Variants in MYO16 observed in about 807,000 individuals in gnomAD.
MYO16 encodes unconventional myosin-XVI.
Under a neutral mutation model 205.3 loss-of-function variants are expected in MYO16, and 94 were observed. That is an observed-to-expected ratio of 0.46 (90% CI 0.39 to 0.54). The LOEUF (loss-of-function observed/expected upper bound fraction) is 0.54, where lower values mean the gene tolerates loss of function less well. Among genes scored for constraint, MYO16 ranks in the 20% least tolerant of loss-of-function variants. The pLI is 0.00. For missense variants in MYO16, 2,315 were observed against 2,387.5 expected (o/e 0.97, Z 0.63); for synonymous variants, 988 against 954.0 (o/e 1.04, Z -0.66).
chr13:108,713,113 T>C (rs896069761), intron 3 of MYO16, among the ~76,000 whole-genome samples: 4 of 152,182 alleles, frequency 2.6e-5, no homozygotes, highest in African/African-American at 9.7e-5. Flanking sequence ...ACAGCCTGCC[T>C]TGTAGTATTT....
intron 20 of MYO16, among the ~76,000 whole-genome samples, chr13:108,972,249 C>CTCTCTCTCTATA (rs1178345437): frequency 2.5e-3 from 7 of 2,850 alleles, no homozygotes; most frequent in Non-Finnish European, 4.1e-3. Flanking sequence ...CTCTCTCTCT[C>CTCTCTCTCTATA]TATATATATA....
At position 109,103,300 on chromosome 13, in the gene MYO16, A is replaced by G. The variant is rs559845602; in HGVS notation, c.3438+2413A>G. Among the ~76,000 whole-genome samples the G allele has an allele frequency of 2.1e-4, 32 of 152,322 alleles. 1 individual carries two copies. The East Asian group carries it at 4.6e-3, about 22-fold the overall frequency. ...TGTTTTTAATTAATACAGGGATTCA[A>G]TCAGAAGCTGTTAGGCTGCAGGGAC... On this transcript the variant is annotated intron_variant, in intron 28 of 34. Coordinates refer to ENST00000457511, the MANE Select transcript of MYO16 (RefSeq NM_001198950.3).
intron 11 of MYO16, among the ~76,000 whole-genome samples, chr13:108,863,246 G>C (rs78837251): frequency 6.6e-6 from 1 of 151,910 alleles, no homozygotes; most frequent in Non-Finnish European, 1.5e-5. Context: ...TGGAAGTGTC[G>C]ATAATAAGTG....
chr13:108,684,783 G>T (rs1352877177), intron 2 of MYO16, among the ~76,000 whole-genome samples: 2 of 152,170 alleles, frequency 1.3e-5, no homozygotes, highest in Non-Finnish European at 2.9e-5. Flanking sequence ...CTGAACTATG[G>T]GGTTTAGAGA....
chr13:109,015,696 G>GTATGTGTCCAGGAA (rs1394719510), intron 22 of MYO16, among the ~76,000 whole-genome samples: 1 of 152,138 alleles, frequency 6.6e-6, no homozygotes, highest in Non-Finnish European at 1.5e-5. Context: ...TTGGGAGGGT[G>GTATGTGTCCAGGAA]TATGTGTCCA....
At chr13:109,098,645 G>A (rs776688424) in intron 27 of MYO16, among the ~76,000 whole-genome samples, 92 of 152,186 alleles carry the variant, frequency 6.0e-4, no homozygotes, top group Non-Finnish European at 1.2e-3. Flanking sequence ...CTTCTCAGAT[G>A]TAATGGTTTC....
chr13:108,937,828 G>A (rs1184648690), intron 16 of MYO16, among the ~76,000 whole-genome samples: 2 of 151,982 alleles, frequency 1.3e-5, no homozygotes, highest in African/African-American at 4.8e-5. Context: ...CCTTGTCTTG[G>A]ATCTCAATAA....
intron 27 of MYO16, among the ~76,000 whole-genome samples, chr13:109,085,443 C>T (rs913989478): frequency 2.6e-5 from 4 of 151,978 alleles, no homozygotes; most frequent in African/African-American, 7.3e-5. Flanking sequence ...GGTAGGGAGG[C>T]GGAGAGAGGG....
At chr13:108,497,341 G>C in the MYO16 span, among the ~76,000 whole-genome samples, 4 of 152,148 alleles carry the variant, frequency 2.6e-5, no homozygotes, top group Non-Finnish European at 4.4e-5. Flanking sequence ...CTGTCTATTG[G>C]TCTTTTTGAA....
chr13:108,895,168 G>C (rs1015337375), intron 14 of MYO16, among the ~76,000 whole-genome samples: 2 of 151,516 alleles, frequency 1.3e-5, no homozygotes, highest in Non-Finnish European at 1.5e-5. Context: ...GACTTATATA[G>C]GGACATAAAT....
intron 2 of MYO16, among the ~76,000 whole-genome samples, chr13:108,670,496 C>T (rs1028707588): frequency 6.6e-6 from 1 of 152,032 alleles, no homozygotes; most frequent in Non-Finnish European, 1.5e-5. Context: ...ATGAAAGAAC[C>T]ATGGCCCTTG....
At chr13:109,105,472 C>CA (rs1262095651) in intron 28 of MYO16, among the ~76,000 whole-genome samples, 1 of 151,910 alleles carries the variant, frequency 6.6e-6, no homozygotes, top group African/African-American at 2.4e-5. Flanking sequence ...AACTCCATCT[C>CA]AAAACAAACA....
intron 20 of MYO16, among the ~76,000 whole-genome samples, chr13:108,982,419 A>G (rs1428279396): frequency 6.6e-6 from 1 of 152,216 alleles, no homozygotes; most frequent in Non-Finnish European, 1.5e-5. Context: ...AAAATAAAAA[A>G]GGAGCGTTTG....
the MYO16 span, among the ~76,000 whole-genome samples, chr13:108,580,250 C>G: frequency 6.6e-6 from 1 of 152,188 alleles, no homozygotes; most frequent in Non-Finnish European, 1.5e-5. Context: ...CAGTGTCTCT[C>G]TTTACTAAAT....
intron 9 of MYO16, among the ~76,000 whole-genome samples, chr13:108,842,050 T>C (rs1396051726): frequency 6.6e-6 from 1 of 152,052 alleles, no homozygotes; most frequent in Non-Finnish European, 1.5e-5. Context: ...GACCCTTTTC[T>C]TACACCATGT....
Position 109,158,997 on chromosome 13 carries a change from C to G in MYO16, c.5165-5904C>G, listed in dbSNP as rs183966260. ...TCACACTCAGCACAGCCAAAGCATG[C>G]CAACATTCATCAAATTGATTTTTAT... On this transcript the variant is annotated intron_variant, in intron 32 of 34. Transcript: ENST00000457511. Among the ~76,000 whole-genome samples the G allele has an allele frequency of 1.2e-4, 19 of 152,198 alleles. No homozygotes were observed. The East Asian group carries it at 3.7e-3, about 29-fold the overall frequency.
At chr13:108,780,108 A>G (rs755335015) in intron 4 of MYO16, 2 of 152,212 alleles carry the variant, frequency 1.3e-5, no homozygotes, top group African/African-American at 2.4e-5. Flanking sequence ...TGGCAGCTCA[A>G]AGAAACAGTA....
At chr13:108,805,114 A>C (rs1002874898) in intron 6 of MYO16, among the ~76,000 whole-genome samples, 1 of 152,228 alleles carries the variant, frequency 6.6e-6, no homozygotes, top group African/African-American at 2.4e-5. Context: ...GATTATTCAG[A>C]TAACGTAGAA....
chr13:109,007,260 C>T (rs568371347), intron 21 of MYO16, among the ~76,000 whole-genome samples: 69 of 151,974 alleles, frequency 4.5e-4, no homozygotes, highest in Non-Finnish European at 6.6e-4. Context: ...AGGTGGCGGG[C>T]GCCTGTAGTC....
Sources: allele counts gnomAD v4.1 joint callset (sites outside exome capture counted in the v4.1 genomes callset), GRCh38; gene constraint gnomAD v4.1.1; transcripts MANE v1.5; gene names NCBI Gene and HGNC (gene_info 2026-07-23, HGNC 2026-07-21).